Variants in AGBL1 observed in about 807,000 individuals in gnomAD.
AGBL1 encodes the protein AGBL carboxypeptidase 1.
AGBL1 carries 130 observed loss-of-function variants against 118.9 expected under a neutral mutation model. That is an observed-to-expected ratio of 1.09 (90% CI 0.95 to 1.26). The LOEUF (loss-of-function observed/expected upper bound fraction) is 1.26. Ranked by LOEUF, AGBL1 falls within the 50% of genes most tolerant of loss-of-function variation. AGBL1 has a pLI of 0.00. For missense variants in AGBL1, 1,584 were observed against 1,298.1 expected, an observed-to-expected ratio of 1.22 and a Z score of -3.38; for synonymous variants, 555 against 478.9, an observed-to-expected ratio of 1.16 and a Z score of -2.08.
At chr15:86,693,859 C>T (rs961094717) in intron 22 of AGBL1, among the ~76,000 whole-genome samples, 1 of 152,010 alleles carries the variant, frequency 6.6e-6, no homozygotes, top group Middle Eastern at 3.2e-3. Flanking sequence ...GGTGTCCTTT[C>T]CCCACTTTAT....
At chr15:86,473,849 G>A (rs1056703455) in intron 18 of AGBL1, among the ~76,000 whole-genome samples, 1 of 152,018 alleles carries the variant, frequency 6.6e-6, no homozygotes, top group Non-Finnish European at 1.5e-5. Flanking sequence ...TGGCTGGATT[G>A]AGCCTCTGGA....
chr15:86,178,375 A>C lies in AGBL1; in HGVS notation c.488+19349A>C, dbSNP rs374566195. On this transcript the variant is annotated intron_variant, in intron 5 of 22. Coordinates refer to ENST00000614907, the MANE Select transcript of AGBL1 (RefSeq NM_001386094.1). Reference sequence around the variant, plus strand: ...TGATAAGAAAAAGAGAGAAGACACAAATGACCAGTATCAGAAATGAGAGGC... The same window carrying C: ...TGATAAGAAAAAGAGAGAAGACACACATGACCAGTATCAGAAATGAGAGGC... Among the ~76,000 whole-genome samples, 5 of 152,288 alleles carry C rather than the reference A, an allele frequency of 3.3e-5. No homozygotes were observed. The East Asian group carries it at 7.7e-4, about 23-fold the overall frequency.
At chr15:86,441,646 A>T (rs2082065923) in intron 18 of AGBL1, among the ~76,000 whole-genome samples, 1 of 152,244 alleles carries the variant, frequency 6.6e-6, no homozygotes, top group African/African-American at 2.4e-5. Context: ...GTACTTGGAC[A>T]GGGGGCATTG....
intron 17 of AGBL1, among the ~76,000 whole-genome samples, chr15:86,310,229 T>C (rs1251429294): frequency 3.9e-5 from 6 of 152,252 alleles, no homozygotes; most frequent in Non-Finnish European, 5.9e-5. Context: ...TTGTTCATAG[T>C]AGTCGCTTAT....
At chr15:86,608,042 G>C (rs1269716492) in intron 21 of AGBL1, among the ~76,000 whole-genome samples, 2 of 152,170 alleles carry the variant, frequency 1.3e-5, no homozygotes, top group African/African-American at 2.4e-5. Context: ...ATTTTCATTA[G>C]TATTTACAAG....
At position 86,994,910 on chromosome 15, in the gene AGBL1, A is replaced by G. The variant is rs74025755; in HGVS notation, c.3323+6822A>G. Among the ~76,000 whole-genome samples the G allele has an allele frequency of 2.9e-3, 436 of 152,340 alleles. 2 individuals carry two copies. The highest frequency in any genetic ancestry group is 9.7e-3 in the African/African-American group (404 of 41,574). ...GTGAAGTAAAATCTTTGACCCATAC[A>G]GTAAAATATGAGGCTGTAATGAACT... is the stretch of plus-strand genomic sequence containing the variant. On this transcript the variant is annotated intron_variant, in intron 24 of 24. Transcript: ENST00000441037.
intron 18 of AGBL1, among the ~76,000 whole-genome samples, chr15:86,433,411 G>C (rs1376674103): frequency 1.3e-5 from 2 of 151,532 alleles, no homozygotes; most frequent in East Asian, 2.0e-4. Flanking sequence ...GAAGGCCCCT[G>C]TTCAGGCTGT....
rs1333577586 is a variant in AGBL1, at chr15:86,147,536, G to T, written c.262+3691G>T. Among the ~76,000 whole-genome samples the T allele has an allele frequency of 3.3e-5, 5 of 152,216 alleles. No individual in the cohort carries two copies. The South Asian group carries it at 8.3e-4, about 25-fold the overall frequency. On this transcript the variant is annotated intron_variant, in intron 3 of 22. Transcript: ENST00000614907. ...GCACAGCAGTCTGACATCAATCTGT[G>T]AGGCAGCAGCCTGGCTGGGGGAAGG...
chr15:86,384,629 G>A (rs1021658946), intron 17 of AGBL1, among the ~76,000 whole-genome samples: 2 of 152,132 alleles, frequency 1.3e-5, no homozygotes, highest in African/African-American at 4.8e-5. Flanking sequence ...GAATGCAGAT[G>A]GATTGGCTCA....
At chr15:86,905,777 C>T (rs1009575270) in intron 22 of AGBL1, among the ~76,000 whole-genome samples, 6 of 152,216 alleles carry the variant, frequency 3.9e-5, no homozygotes, top group African/African-American at 1.4e-4. Flanking sequence ...GAGGCACAGG[C>T]TCCCAGGGTT....
intron 18 of AGBL1, among the ~76,000 whole-genome samples, chr15:86,448,524 C>T (rs1026801821): frequency 2.0e-5 from 3 of 152,202 alleles, no homozygotes; most frequent in Admixed American, 1.3e-4. Flanking sequence ...AGTTAAGGAA[C>T]AACACTTCGG....
intron 22 of AGBL1, among the ~76,000 whole-genome samples, chr15:86,869,491 A>G (rs2079688000): frequency 6.6e-6 from 1 of 152,184 alleles, no homozygotes; most frequent in South Asian, 2.1e-4. Flanking sequence ...GCTAAATGAC[A>G]CACTAGTGTT....
chr15:86,119,052 C>T (rs1166629107), intron 1 of AGBL1, among the ~76,000 whole-genome samples: 2 of 152,080 alleles, frequency 1.3e-5, no homozygotes, highest in African/African-American at 4.8e-5. Flanking sequence ...AACATTTAAA[C>T]CCACAGGGTC....
At chr15:86,835,416 G>A (rs999357299) in intron 22 of AGBL1, among the ~76,000 whole-genome samples, 2 of 152,144 alleles carry the variant, frequency 1.3e-5, no homozygotes, top group Admixed American at 6.6e-5. Flanking sequence ...TAAATGATCA[G>A]GAGAGGTGAT....
intron 5 of AGBL1, among the ~76,000 whole-genome samples, chr15:86,195,908 G>C (rs1014999799): frequency 1.3e-5 from 2 of 152,098 alleles, no homozygotes; most frequent in African/African-American, 4.8e-5. Context: ...TCTGCCGTGG[G>C]GGCGTCTTTC....
intron 24 of AGBL1, among the ~76,000 whole-genome samples, chr15:87,011,735 A>G (rs554274801): frequency 6.6e-6 from 1 of 152,282 alleles, no homozygotes; most frequent in East Asian, 1.9e-4. Context: ...GCAAGAGTGT[A>G]TTTTCTGAGA....
At chr15:86,236,566 T>C (rs1423563355) in intron 6 of AGBL1, among the ~76,000 whole-genome samples, 1 of 152,008 alleles carries the variant, frequency 6.6e-6, no homozygotes, top group East Asian at 1.9e-4. Flanking sequence ...TTGCATAGTG[T>C]TACAGCTCTG....
intron 17 of AGBL1, among the ~76,000 whole-genome samples, chr15:86,353,928 A>G (rs1002732348): frequency 1.3e-5 from 2 of 152,238 alleles, no homozygotes; most frequent in African/African-American, 4.8e-5. Flanking sequence ...TATATCCTTG[A>G]AAAAGTAGGT....
chr15:86,116,335 A>G (rs1897754898), intron 1 of AGBL1, among the ~76,000 whole-genome samples: 2 of 152,214 alleles, frequency 1.3e-5, no homozygotes, highest in African/African-American at 4.8e-5. Flanking sequence ...GCTAAAGCTG[A>G]AGGATTATGT....
Sources: allele counts gnomAD v4.1 joint callset (sites outside exome capture counted in the v4.1 genomes callset), GRCh38; gene constraint gnomAD v4.1.1; transcripts MANE v1.5; gene names NCBI Gene and HGNC (gene_info 2026-07-23, HGNC 2026-07-21).